The following BAHCC1 variants were observed in gnomAD, a reference collection of about 807,000 sequenced individuals.
The protein encoded by BAHCC1 is BAH and coiled-coil domain-containing protein 1.
BAHCC1 carries 43 observed loss-of-function variants against 88.2 expected under a neutral mutation model. The ratio of observed to expected loss-of-function variants is 0.49; its 90% CI spans 0.38 to 0.63. The LOEUF (loss-of-function observed/expected upper bound fraction) is 0.63. BAHCC1 is among the 20% of genes least tolerant of loss of function. The probability of loss-of-function intolerance (pLI) is 0.00; values close to 1 mark genes in which losing one functional copy is unlikely to be tolerated. For synonymous variants in BAHCC1, 1,510 were observed against 745.5 expected, an observed-to-expected ratio of 2.03 and a Z score of -16.71; for missense variants, 3,023 against 1,654.8, an observed-to-expected ratio of 1.83 and a Z score of -14.34.
In BAHCC1 at chr17:81,443,581, G is replaced by A. The variant is rs781890632; in HGVS notation, c.2215+17G>A. The A allele has an allele frequency of 1.4e-5, 9 of 624,058 alleles. No homozygotes were observed. Among genetic ancestry groups the A allele is most frequent in the South Asian group, 3.5e-5 (2 of 56,374 alleles). 38.7% of individuals were successfully genotyped at this position (624,058 alleles called of 1,614,324 possible). On this transcript the variant is annotated intron_variant, in intron 5 of 27. Coordinates refer to ENST00000675386, the MANE Select transcript of BAHCC1 (RefSeq NM_001377448.1). ...CCTTCAAAGGTACAGGCCCTGCACA[G>A]AGAGGGAGGCAGGCCGGGACAGTCT...
At position 81,461,855 on chromosome 17, in the gene BAHCC1, G is replaced by A. The variant is rs782285925; in HGVS notation, c.7192G>A (p.Ala2398Thr). 4 of 721,172 alleles carry A rather than the reference G, an allele frequency of 5.5e-6. No individual in the cohort carries two copies. The highest frequency in any genetic ancestry group is 1.0e-5 in the Non-Finnish European group (4 of 387,554). 44.7% of individuals were successfully genotyped at this position (721,172 alleles called of 1,614,324 possible). A position where few individuals can be genotyped will look rare whatever the true frequency, so the allele number is the denominator to read the frequency against. Residue 2398 changes from alanine to threonine, a missense_variant, in exon 26 of 28, where the codon GCT becomes ACT. By Grantham distance (58) the Ala-to-Thr change is moderately conservative. Transcript: ENST00000675386. ...QRCFLSRATV[A>T]GTGAGSGPSS... ...CTGCTTCCTGTCCAGGGCCACGGTG[G>A]CTGGCACCGGTGCGGGCTCAGGCCC...
At position 81,402,864 on chromosome 17, in the gene BAHCC1, G is replaced by C. The variant is rs781896893; in HGVS notation, c.178+2947G>C. The C allele has an allele frequency of 2.6e-5, 4 of 152,178 alleles. 1 individual carries two copies. The highest frequency in any genetic ancestry group is 4.8e-5 in the African/African-American group (2 of 41,428). The allele number at this position is 152,178 out of a possible 1,614,324, so 9.4% of individuals were successfully genotyped here. On this transcript the variant is annotated intron_variant, in intron 2 of 27. Transcript: ENST00000675386. ...ATGGGGCTCCCAGGCTTCTTCCATTGTTTTTCTAAAAATGAAAGTGCTGGG... is the reference window on the plus strand; with the variant it reads ...ATGGGGCTCCCAGGCTTCTTCCATTCTTTTTCTAAAAATGAAAGTGCTGGG...
intron 11 of BAHCC1, among the ~76,000 whole-genome samples, chr17:81,448,425 C>G (rs986053804): frequency 2.0e-5 from 3 of 152,064 alleles, no homozygotes; most frequent in Non-Finnish European, 4.4e-5. Context: ...CCTGGGACAC[C>G]CGAGGGCCAG....
At position 81,413,220 on chromosome 17, in the gene BAHCC1, C is replaced by A. The variant is rs572116683; in HGVS notation, c.178+13303C>A. On this transcript the variant is annotated intron_variant, in intron 2 of 27. Coordinates refer to ENST00000675386, the MANE Select transcript of BAHCC1 (RefSeq NM_001377448.1). ...CCTCCCCTGTGCTGACCATGCCCCCCCCGGGCGCTCGCTGCTGGCTGGGGG... is the reference window on the plus strand; with the variant it reads ...CCTCCCCTGTGCTGACCATGCCCCCACCGGGCGCTCGCTGCTGGCTGGGGG... 2.5e-4 allele frequency: 72 copies of A among 289,894 alleles called. 1 individual carries two copies. Among genetic ancestry groups the A allele is most frequent in the East Asian group, 1.4e-3 (9 of 6,632 alleles). 18.0% of individuals were successfully genotyped at this position (289,894 alleles called of 1,614,324 possible). A position where few individuals can be genotyped will look rare whatever the true frequency, so the allele number is the denominator to read the frequency against.
In BAHCC1 at chr17:81,435,017, C is replaced by T. The variant is rs2143465091; in HGVS notation, c.359-3353C>T. Among the ~76,000 whole-genome samples the T allele has an allele frequency of 6.6e-6, 1 of 152,002 alleles. No individual in the cohort carries two copies. Among genetic ancestry groups the T allele is most frequent in the Admixed American group, 6.5e-5 (1 of 15,298 alleles). On this transcript the variant is annotated intron_variant, in intron 3 of 27. Coordinates refer to ENST00000675386, the MANE Select transcript of BAHCC1 (RefSeq NM_001377448.1). This position sits in a 1 kb window ranked among gnomAD's most constrained non-coding sequence, Gnocchi z 4.4. ...GGTGGGCAGGAGGAAAGGAAGGGTC[C>T]CCTCACCCCTGGCCGTCCCCAGCCC...
chr17:81,450,011 T>C (rs1304720727), intron 11 of BAHCC1, among the ~76,000 whole-genome samples: 1 of 152,104 alleles, frequency 6.6e-6, no homozygotes, highest in Non-Finnish European at 1.5e-5. Context: ...CCATCGTGGA[T>C]GGGGTTCTCC....
At chr17:81,420,158 T>C (rs898242587) in intron 2 of BAHCC1, among the ~76,000 whole-genome samples, 2 of 152,204 alleles carry the variant, frequency 1.3e-5, no homozygotes, top group Non-Finnish European at 2.9e-5. Context: ...GGCCCCAGCA[T>C]GCTCTGTACC....
chr17:81,461,855 G>T lies in BAHCC1; in HGVS notation c.7192G>T (p.Ala2398Ser). ...CTGCTTCCTGTCCAGGGCCACGGTG[G>T]CTGGCACCGGTGCGGGCTCAGGCCC... ...QRCFLSRATV[A>S]GTGAGSGPSS... Residue 2398 changes from alanine to serine, a missense_variant, in exon 26 of 28, where the codon GCT becomes TCT. Physicochemically the swap from Ala to Ser is moderately conservative, Grantham distance 99 (BLOSUM62 1). Transcript: ENST00000675386. 2 of 721,172 alleles carry T rather than the reference G, an allele frequency of 2.8e-6. No individual in the cohort carries two copies. The highest frequency in any genetic ancestry group is 5.2e-6 in the Non-Finnish European group (2 of 387,554). The allele number at this position is 721,172 out of a possible 1,614,324, so 44.7% of individuals were successfully genotyped here. A position where few individuals can be genotyped will look rare whatever the true frequency, so the allele number is the denominator to read the frequency against.
chr17:81,452,789 A>C lies in BAHCC1; in HGVS notation c.4383A>C (p.Ser1461=). 2 of 741,002 alleles carry C rather than the reference A, an allele frequency of 2.7e-6. No homozygotes were observed. The highest frequency in any genetic ancestry group is 5.0e-6 in the Non-Finnish European group (2 of 403,722). 45.9% of individuals were successfully genotyped at this position (741,002 alleles called of 1,614,324 possible). Residue 1461 remains serine (S), a synonymous_variant, in exon 14 of 28, where the codon TCA becomes TCC. Transcript: ENST00000675386. ...GCCGGCCGAGGAAGCGCAAACACTC[A>C]AGCTCGCTGCCTGCCCCACGTCCCA... ...GPGRPRKRKH[S]SSLPAPRPTG...
chr17:81,407,833 G>T (rs1555647166), intron 2 of BAHCC1, among the ~76,000 whole-genome samples: 1 of 152,206 alleles, frequency 6.6e-6, no homozygotes, highest in African/African-American at 2.4e-5. Flanking sequence ...CCATGAGGCA[G>T]GTGTTCACCT....
In BAHCC1 at chr17:81,445,407, C is replaced by T; in HGVS notation, c.2889C>T (p.Ala963=). 1 of 776,754 alleles carries T rather than the reference C, an allele frequency of 1.3e-6. No individual in the cohort carries two copies. The highest frequency in any genetic ancestry group is 1.4e-5 in the South Asian group (1 of 73,962). 48.1% of individuals were successfully genotyped at this position (776,754 alleles called of 1,614,324 possible). The change falls in exon 10 of 28, where the codon GCC becomes GCT. Residue 963 remains alanine (A), a synonymous_variant. Transcript: ENST00000675386. ...LDLEEPAQEK[A]PKSTHKPVAL... is the part of the protein sequence containing the mutation. ...TGGAGGAGCCCGCCCAGGAGAAGGC[C>T]CCAAAGTCCACCCACAAGCCAGTTG...
chr17:81,454,940 C>T (rs1229877800), intron 14 of BAHCC1, among the ~76,000 whole-genome samples: 2 of 152,244 alleles, frequency 1.3e-5, no homozygotes, highest in African/African-American at 2.4e-5. Context: ...GGCGTTCCTT[C>T]CTATCAGGCT....
intron 2 of BAHCC1, among the ~76,000 whole-genome samples, chr17:81,408,139 C>G (rs947146521): frequency 3.3e-5 from 5 of 152,240 alleles, no homozygotes; most frequent in Non-Finnish European, 5.9e-5. Context: ...TCCAGCTGAA[C>G]TTGGCCTTGC....
At chr17:81,403,335 C>T (rs2063839657) in intron 2 of BAHCC1, among the ~76,000 whole-genome samples, 1 of 152,162 alleles carries the variant, frequency 6.6e-6, no homozygotes, top group Non-Finnish European at 1.5e-5. Context: ...CTTCTCTTGT[C>T]TTCTTTGGGG....
At chr17:81,445,817 T>C in intron 10 of BAHCC1, 136 bp downstream of exon 10, 2 of 606,296 alleles carry the variant, frequency 3.3e-6, no homozygotes, top group South Asian at 3.9e-5. Flanking sequence ...GCATGGCTGT[T>C]CCCTTCCTCT....
At chr17:81,463,303 G>A (rs2030462339) in intron 27 of BAHCC1, among the ~76,000 whole-genome samples, 1 of 152,186 alleles carries the variant, frequency 6.6e-6, no homozygotes, top group Non-Finnish European at 1.5e-5. Context: ...ATTGCACTCA[G>A]CACACCCTCT....
intron 2 of BAHCC1, chr17:81,422,748 A>T (rs2064130047): frequency 2.3e-6 from 1 of 437,980 alleles, no homozygotes; most frequent in Admixed American, 2.5e-5. Flanking sequence ...GATCCTGGAG[A>T]AATCCCTTCT....
intron 2 of BAHCC1, chr17:81,413,262 G>T (rs2063978462): frequency 7.9e-6 from 2 of 251,816 alleles, no homozygotes; most frequent in South Asian, 3.1e-5. Context: ...GCCCTCGGGG[G>T]TTTGTGCCTT....
chr17:81,401,358 C>T (rs1326910020), intron 2 of BAHCC1: 4 of 152,706 alleles, frequency 2.6e-5, no homozygotes, highest in Non-Finnish European at 5.9e-5. Flanking sequence ...CGAGGCTGCC[C>T]TTTTCTCTCT....
Sources: allele counts gnomAD v4.1 joint callset (sites outside exome capture counted in the v4.1 genomes callset), GRCh38; gene constraint gnomAD v4.1.1; non-coding constraint Gnocchi (gnomAD v3.1); transcripts MANE v1.5; gene names NCBI Gene and HGNC (gene_info 2026-07-23, HGNC 2026-07-21).